Variants in RTN4 observed in about 807,000 individuals in gnomAD.
RTN4 encodes the protein reticulon-4.
Under a neutral mutation model 90.4 loss-of-function variants are expected in RTN4, and 32 were observed. The observed-to-expected ratio is 0.35, with a 90% CI of 0.27 to 0.48. The LOEUF is 0.48. Among genes scored for constraint, RTN4 ranks in the 20% least tolerant of loss-of-function variants. The probability of loss-of-function intolerance (pLI) is 0.99; values close to 1 mark genes in which losing one functional copy is unlikely to be tolerated. For synonymous variants in RTN4, 629 were observed against 552.5 expected (o/e 1.14, Z -1.94); for missense variants, 1,706 against 1,430.2 (o/e 1.19, Z -3.11).
At chr2:55,130,789 A>C in the RTN4 span, among the ~76,000 whole-genome samples, 2 of 152,200 alleles carry the variant, frequency 1.3e-5, no homozygotes, top group Non-Finnish European at 2.9e-5. Context: ...CAGAGCTATC[A>C]AGTAACACAG....
chr2:55,090,898 T>A (rs1668923917), intron 1 of RTN4, among the ~76,000 whole-genome samples: 1 of 152,174 alleles, frequency 6.6e-6, no homozygotes, highest in Non-Finnish European at 1.5e-5. Context: ...TTGGTTCTGC[T>A]TTCTCTCATT....
the RTN4 span, among the ~76,000 whole-genome samples, chr2:55,119,340 G>A: frequency 4.2e-3 from 647 of 152,314 alleles, 1 homozygote; most frequent in African/African-American, 0.015. Context: ...ATACTCAACA[G>A]TACCAGGCTG....
intron 3 of RTN4, chr2:55,010,261 TGCA>T: frequency 1.3e-6 from 2 of 1,521,376 alleles, no homozygotes; most frequent in Non-Finnish European, 1.8e-6. Context: ...GCTGCACAAC[TGCA>T]GCAGGACTGA....
chr2:55,066,193 T>TTGTG (rs57202019), intron 2 of RTN4, among the ~76,000 whole-genome samples: 4,210 of 110,978 alleles, frequency 0.038, 174 homozygotes, highest in African/African-American at 0.097. Context: ...GTGTGTGTGT[T>TTGTG]TGTGTGTGTG....
chr2:55,120,032 C>G, the RTN4 span, among the ~76,000 whole-genome samples: 1 of 152,224 alleles, frequency 6.6e-6, no homozygotes, highest in Non-Finnish European at 1.5e-5. Flanking sequence ...AATGCAAACC[C>G]ATGCCTCGCT....
chr2:55,018,267 G>A (rs1681187695), intron 3 of RTN4, among the ~76,000 whole-genome samples: 1 of 152,100 alleles, frequency 6.6e-6, no homozygotes, highest in Non-Finnish European at 1.5e-5. Context: ...AAAATGAGAA[G>A]AATTCAGCTT....
At chr2:54,974,892 C>A in intron 5 of RTN4, 128 bp from the exon 6 acceptor site, 1 of 686,280 alleles carries the variant, frequency 1.5e-6, no homozygotes, top group Non-Finnish European at 2.6e-6. Context: ...GGGTAAAGTA[C>A]CATGAGCAGT....
At chr2:55,053,988 G>A (rs1217459433), upstream of RTN4, among the ~76,000 whole-genome samples, 2 of 152,188 alleles carry the variant, frequency 1.3e-5, no homozygotes, top group Admixed American at 6.5e-5. Context: ...AAGGGATGAT[G>A]AGAAATTCCT....
At chr2:55,058,095 T>A (rs1365976027) in intron 2 of RTN4, among the ~76,000 whole-genome samples, 1 of 152,124 alleles carries the variant, frequency 6.6e-6, no homozygotes, top group Non-Finnish European at 1.5e-5. Context: ...TGAGGGACTT[T>A]AAAAACTGGA....
At chr2:55,002,949 C>T (rs35222781) in intron 3 of RTN4, among the ~76,000 whole-genome samples, 22,991 of 152,068 alleles carry the variant, frequency 0.15, 2,179 homozygotes, top group South Asian at 0.34. Flanking sequence ...GTATAATTTA[C>T]TATAGTTTAA....
upstream of RTN4, among the ~76,000 whole-genome samples, chr2:55,052,562 T>A (rs568549888): frequency 6.6e-6 from 1 of 152,178 alleles, no homozygotes; most frequent in Non-Finnish European, 1.5e-5. Context: ...TTTGGAGGGG[T>A]TGGGAAGAGT....
chr2:55,005,129 A>C (rs1448699355), intron 3 of RTN4, among the ~76,000 whole-genome samples: 1 of 152,194 alleles, frequency 6.6e-6, no homozygotes, highest in African/African-American at 2.4e-5. Flanking sequence ...TAGGCCATGG[A>C]ATGCCTTTCA....
chr2:55,046,509 G>C (rs1222247071), intron 1 of RTN4, among the ~76,000 whole-genome samples: 1 of 152,088 alleles, frequency 6.6e-6, no homozygotes, highest in Non-Finnish European at 1.5e-5. Context: ...GCCTGTCTTA[G>C]TGTCACCTAA....
chr2:55,058,441 T>C (rs1163192741), intron 2 of RTN4, among the ~76,000 whole-genome samples: 1 of 152,212 alleles, frequency 6.6e-6, no homozygotes, highest in African/African-American at 2.4e-5. Context: ...ATCAGATTCA[T>C]TTTTTTACCC....
chr2:55,020,979 C>G (rs1314315315), intron 3 of RTN4, among the ~76,000 whole-genome samples: 2 of 152,058 alleles, frequency 1.3e-5, no homozygotes, highest in African/African-American at 2.4e-5. Context: ...CTGGGCGACA[C>G]AGCAAGAACC....
chr2:55,020,818 A>G (rs2044291), intron 3 of RTN4, among the ~76,000 whole-genome samples: 101,888 of 151,826 alleles, frequency 0.67, 35,163 homozygotes, highest in African/African-American at 0.85. Context: ...AGACCAGCCT[A>G]GGCAACAAGG....
At chr2:55,049,219 G>C (rs199726705) in intron 1 of RTN4, 2 of 970,424 alleles carry the variant, frequency 2.1e-6, no homozygotes, top group African/African-American at 3.5e-5. Flanking sequence ...AGCGCAAAGG[G>C]GCCACCCACG....
intron 4 of RTN4, among the ~76,000 whole-genome samples, chr2:54,986,513 C>T (rs1678574424): frequency 6.6e-6 from 1 of 152,312 alleles, no homozygotes; most frequent in East Asian, 1.9e-4. Flanking sequence ...CCTTGCTTTA[C>T]AGGCCCCTGG....
At chr2:55,096,129 C>G (rs1486885683) in intron 1 of RTN4, among the ~76,000 whole-genome samples, 1 of 152,070 alleles carries the variant, frequency 6.6e-6, no homozygotes, top group African/African-American at 2.4e-5. Flanking sequence ...GAGTTCAAGC[C>G]CAACCTAACC....
Sources: gnomAD v4.1 joint callset for allele counts (sites outside exome capture counted in the v4.1 genomes callset) on GRCh38, gnomAD v4.1.1 for gene constraint, MANE v1.5 for transcripts, NCBI Gene and HGNC (gene_info 2026-07-23, HGNC 2026-07-21) for gene names.